Variants in IGF2BP1 observed in about 807,000 individuals in gnomAD.
IGF2BP1 encodes insulin-like growth factor 2 mRNA-binding protein 1.
A neutral mutation model predicts 74.9 loss-of-function variants in IGF2BP1; 11 were observed. The observed-to-expected ratio is 0.15, with a 90% CI of 0.09 to 0.24. IGF2BP1 has a LOEUF of 0.24. Among genes scored for constraint, IGF2BP1 ranks in the 10% least tolerant of loss-of-function variants. The pLI is 1.00. For synonymous variants in IGF2BP1, 287 were observed against 281.8 expected, an observed-to-expected ratio of 1.02 and a Z score of -0.18; for missense variants, 440 against 757.4, an observed-to-expected ratio of 0.58 and a Z score of 4.92.
chr17:49,040,696 C>A (rs1275212907), intron 7 of IGF2BP1, among the ~76,000 whole-genome samples: 1 of 152,210 alleles, frequency 6.6e-6, no homozygotes, highest in African/African-American at 2.4e-5. Flanking sequence ...ATACTTTTTT[C>A]ATTTTCTGTA....
intron 4 of IGF2BP1, among the ~76,000 whole-genome samples, chr17:49,027,326 C>T (rs1216982978): frequency 2.6e-5 from 4 of 152,094 alleles, no homozygotes; most frequent in Non-Finnish European, 4.4e-5. Flanking sequence ...TGCATTCAAT[C>T]GGAGTTACTC....
chr17:48,998,861 G>C (rs1164014215), intron 1 of IGF2BP1, among the ~76,000 whole-genome samples: 1 of 152,076 alleles, frequency 6.6e-6, no homozygotes, highest in Non-Finnish European at 1.5e-5. Flanking sequence ...ATTCCAGAGC[G>C]ATCCACTCAA....
chr17:49,026,390 GCAGGGTGTC>G, intron 3 of IGF2BP1, 67 bp from the exon 4 acceptor site: 1 of 1,294,492 alleles, frequency 7.7e-7, no homozygotes, highest in Non-Finnish European at 1.1e-6. Context: ...GCTTTGGGAT[GCAGGGTGTC>G]CAGTGGCTGC....
chr17:49,021,571 G>A (rs1250297601), intron 2 of IGF2BP1, among the ~76,000 whole-genome samples: 4 of 152,202 alleles, frequency 2.6e-5, no homozygotes, highest in Non-Finnish European at 5.9e-5. Flanking sequence ...ATCAAGGAAG[G>A]CAGAGGACAC....
At chr17:49,001,122 T>A (rs1246976291) in intron 2 of IGF2BP1, among the ~76,000 whole-genome samples, 2 of 152,150 alleles carry the variant, frequency 1.3e-5, no homozygotes, top group Non-Finnish European at 2.9e-5. Flanking sequence ...GTCTCAAGAT[T>A]TAAAAAAGAA....
At chr17:49,038,874 A>ATCTTTTTTTTTTTTTTTTTTTTTTTTT (rs1491495832) in intron 6 of IGF2BP1, among the ~76,000 whole-genome samples, 1 of 75,284 alleles carries the variant, frequency 1.3e-5, no homozygotes, top group African/African-American at 5.6e-5. Context: ...TCTTTCTTTA[A>ATCTTTTTTTTTTTTTTTTTTTTTTTTT]TATTTTTTTT....
chr17:49,029,964 A>G (rs752940112), intron 4 of IGF2BP1, among the ~76,000 whole-genome samples: 13 of 152,144 alleles, frequency 8.5e-5, no homozygotes, highest in Non-Finnish European at 1.6e-4. Context: ...TTCTAATGTC[A>G]GCTTGCCAAA....
intron 5 of IGF2BP1, among the ~76,000 whole-genome samples, chr17:49,035,229 A>G (rs1204489444): frequency 1.3e-5 from 2 of 152,252 alleles, no homozygotes; most frequent in African/African-American, 2.4e-5. Flanking sequence ...ATGCTGGGGC[A>G]GCTCGATGAT....
intron 4 of IGF2BP1, among the ~76,000 whole-genome samples, chr17:49,028,819 A>G (rs1467762147): frequency 6.6e-6 from 1 of 151,904 alleles, no homozygotes; most frequent in Non-Finnish European, 1.5e-5. Context: ...TATTATTATT[A>G]TTATTTGAGA....
At position 49,054,308 on chromosome 17, in the gene IGF2BP1, C is replaced by A. The variant is rs747298299; in HGVS notation, c.*4864C>A. The stretch of plus-strand genomic sequence containing the variant: ...TTGAATGAAATAGCAGGAAGCTCCT[C>A]GGGAGCATGTGTTTTGATTAACCGC... On this transcript the variant is annotated 3_prime_UTR_variant, in exon 15 of 15. Transcript: ENST00000290341. 2 of 152,676 alleles carry A rather than the reference C, an allele frequency of 1.3e-5. No homozygotes were observed. The highest frequency in any genetic ancestry group is 4.8e-5 in the African/African-American group (2 of 41,458). 9.5% of individuals were successfully genotyped at this position (152,676 alleles called of 1,614,324 possible). A position where few individuals can be genotyped will look rare whatever the true frequency, so the allele number is the denominator to read the frequency against.
Position 49,042,187 on chromosome 17 carries a change from C to T in IGF2BP1, c.942-55C>T, listed in dbSNP as rs568804889. The T allele has an allele frequency of 6.9e-5, 111 of 1,610,820 alleles. No individual in the cohort carries two copies. In the East Asian group the frequency reaches 1.5e-3, roughly 22 times the overall value. Reference sequence around the variant, plus strand: ...GCTGGCCTCTCGTCTTTGTTACTGCCGGGGCCTGGTCCTGGCCTGCCAGTG... The same window carrying T: ...GCTGGCCTCTCGTCTTTGTTACTGCTGGGGCCTGGTCCTGGCCTGCCAGTG... On this transcript the variant is annotated intron_variant, in intron 8 of 14. Coordinates refer to ENST00000290341, the MANE Select transcript of IGF2BP1 (RefSeq NM_006546.4).
intron 2 of IGF2BP1, 122 bp from the exon 3 acceptor site, chr17:49,025,496 C>T: frequency 1.2e-6 from 1 of 859,886 alleles, no homozygotes; most frequent in South Asian, 1.6e-5. Flanking sequence ...GATTTTAAGA[C>T]TATGGTGTTG....
intron 2 of IGF2BP1, among the ~76,000 whole-genome samples, chr17:49,016,236 G>T (rs1254225923): frequency 6.6e-6 from 1 of 152,238 alleles, no homozygotes; most frequent in Non-Finnish European, 1.5e-5. Flanking sequence ...AAGTTGGCAA[G>T]TCTGTTTCCT....
At chr17:49,046,460 A>G (rs2042108767) in intron 14 of IGF2BP1, 87 bp downstream of exon 14, 2 of 1,003,884 alleles carry the variant, frequency 2.0e-6, no homozygotes, top group African/African-American at 3.2e-5. Flanking sequence ...GACCTTCATG[A>G]CGTTGACAAG....
intron 2 of IGF2BP1, among the ~76,000 whole-genome samples, chr17:49,011,137 CAAAAAAAAAAAAAAAAAAAAAA>C (rs61620827): frequency 3.5e-5 from 2 of 57,298 alleles, no homozygotes; most frequent in Admixed American, 5.6e-4. Context: ...GACTCTGTCT[CAAAAAAAAAAAAAAAAAAAAAA>C]AAAAAAAACA....
Position 48,997,925 on chromosome 17 carries a change from G to C in IGF2BP1, c.175+5G>C. On this transcript the variant is annotated splice_donor_5th_base_variant and intron_variant, in intron 1 of 14. Coordinates refer to ENST00000290341, the MANE Select transcript of IGF2BP1 (RefSeq NM_006546.4). The surrounding 1 kb of genome is among the most constrained non-coding windows in gnomAD (Gnocchi z 4.8). ...AGGCCATCGAAACTTTCTCCGGTAAGAACACAGCCACCTCCCGGAAAAGCC... is the reference window on the plus strand; with the variant it reads ...AGGCCATCGAAACTTTCTCCGGTAACAACACAGCCACCTCCCGGAAAAGCC... 2 of 1,612,848 alleles carry C rather than the reference G, an allele frequency of 1.2e-6. No homozygotes were observed. Among genetic ancestry groups the C allele is most frequent in the Non-Finnish European group, 8.5e-7 (1 of 1,179,348 alleles).
chr17:49,030,320 T>G (rs1327815407), intron 4 of IGF2BP1, among the ~76,000 whole-genome samples: 1 of 152,118 alleles, frequency 6.6e-6, no homozygotes, highest in Non-Finnish European at 1.5e-5. Context: ...TTTTGTATTT[T>G]CAGTGGAGAC....
At chr17:49,034,766 AAAAAAAACG>A (rs1314212741) in intron 5 of IGF2BP1, among the ~76,000 whole-genome samples, 3 of 136,988 alleles carry the variant, frequency 2.2e-5, no homozygotes, top group African/African-American at 9.2e-5. Context: ...CAAAAAAAAC[AAAAAAAACG>A]AAAAACCAAA....
chr17:49,001,940 T>TGGCAA (rs1314451836), intron 2 of IGF2BP1, among the ~76,000 whole-genome samples: 2 of 152,138 alleles, frequency 1.3e-5, no homozygotes, highest in Non-Finnish European at 2.9e-5. Context: ...GCCACTGTGG[T>TGGCAA]GTGCCTTTTT....
Sources: gnomAD v4.1 joint callset for allele counts (sites outside exome capture counted in the v4.1 genomes callset) on GRCh38, gnomAD v4.1.1 for gene constraint, Gnocchi (gnomAD v3.1) non-coding constraint, MANE v1.5 for transcripts, NCBI Gene and HGNC (gene_info 2026-07-23, HGNC 2026-07-21) for gene names.